Variants in CDH13 observed in about 807,000 individuals in gnomAD.
CDH13 encodes cadherin-13.
Under a neutral mutation model 63.8 loss-of-function variants are expected in CDH13, and 24 were observed. The ratio of observed to expected loss-of-function variants is 0.38; its 90% confidence interval spans 0.27 to 0.53. The LOEUF (loss-of-function observed/expected upper bound fraction) is 0.53. Among genes scored for constraint, CDH13 ranks in the 20% least tolerant of loss-of-function variants. The probability of loss-of-function intolerance (pLI) is 0.85; values close to 1 mark genes in which losing one functional copy is unlikely to be tolerated. For missense variants in CDH13, 1,049 were observed against 903.1 expected (o/e 1.16, Z -2.07); for synonymous variants, 503 against 355.3 (o/e 1.42, Z -4.67).
At chr16:83,501,326 A>C (rs1397989769) in intron 7 of CDH13, among the ~76,000 whole-genome samples, 1 of 152,196 alleles carries the variant, frequency 6.6e-6, no homozygotes, top group East Asian at 1.9e-4. Flanking sequence ...AAATTCTTTT[A>C]GGTATTTTCT....
At chr16:83,218,531 CT>C (rs1260155728) in intron 5 of CDH13, among the ~76,000 whole-genome samples, 3 of 152,160 alleles carry the variant, frequency 2.0e-5, no homozygotes, top group African/African-American at 7.2e-5. Flanking sequence ...TCCAGCTGGC[CT>C]TGACAGTAAC....
chr16:83,392,693 C>T (rs981050120), intron 6 of CDH13, among the ~76,000 whole-genome samples: 12 of 152,202 alleles, frequency 7.9e-5, no homozygotes, highest in Admixed American at 2.6e-4. Context: ...CAAGAAAAGA[C>T]GCTGGGAGTA....
intron 3 of CDH13, among the ~76,000 whole-genome samples, chr16:83,062,310 C>G (rs2031629360): frequency 6.6e-6 from 1 of 152,170 alleles, no homozygotes; most frequent in Non-Finnish European, 1.5e-5. Flanking sequence ...ATTTGTTACA[C>G]TTTCACATTT....
chr16:82,915,805 A>G (rs4783300), intron 2 of CDH13, among the ~76,000 whole-genome samples: 61,219 of 149,624 alleles, frequency 0.41, 14,279 homozygotes, highest in Non-Finnish European at 0.55. Context: ...GTACCCTCTG[A>G]CATACACCCT....
At chr16:83,614,607 G>A (rs1280348151) in intron 8 of CDH13, among the ~76,000 whole-genome samples, 4 of 152,074 alleles carry the variant, frequency 2.6e-5, no homozygotes, top group Non-Finnish European at 2.9e-5. Flanking sequence ...CCAGCTCTTC[G>A]GCACTTTCAA....
intron 8 of CDH13, among the ~76,000 whole-genome samples, chr16:83,628,891 A>C (rs1910547820): frequency 6.6e-6 from 1 of 152,238 alleles, no homozygotes; most frequent in Admixed American, 6.5e-5. Context: ...AATTTTAATA[A>C]TGCTTCTGGC....
chr16:82,819,237 C>T (rs575935052), intron 1 of CDH13, among the ~76,000 whole-genome samples: 17 of 152,252 alleles, frequency 1.1e-4, no homozygotes, highest in Non-Finnish European at 1.3e-4. Context: ...CTAAATTAAT[C>T]GGATAACATA....
intron 5 of CDH13, among the ~76,000 whole-genome samples, chr16:83,252,271 C>T (rs201301976): frequency 7.9e-5 from 11 of 138,916 alleles, no homozygotes; most frequent in South Asian, 2.3e-4. Context: ...TCTTTTTTTT[C>T]TTTTTTTTTT....
intron 5 of CDH13, among the ~76,000 whole-genome samples, chr16:83,298,708 G>C (rs567567733): frequency 3.3e-5 from 5 of 152,276 alleles, no homozygotes; most frequent in African/African-American, 1.2e-4. Flanking sequence ...GACTTGGAAA[G>C]GCCTAAGGTT....
intron 1 of CDH13, among the ~76,000 whole-genome samples, chr16:82,787,662 G>C (rs955627782): frequency 5.3e-5 from 8 of 152,220 alleles, no homozygotes; most frequent in African/African-American, 1.9e-4. Flanking sequence ...AGGTTGCCCA[G>C]AGAGGTGAAT....
intron 1 of CDH13, among the ~76,000 whole-genome samples, chr16:82,661,716 A>G (rs1253252711): frequency 1.3e-5 from 2 of 152,260 alleles, no homozygotes; most frequent in Admixed American, 6.5e-5. Flanking sequence ...AAATGAATGT[A>G]CATTGTAGGA....
At chr16:83,230,363 G>A (rs571604194) in intron 5 of CDH13, among the ~76,000 whole-genome samples, 4 of 152,166 alleles carry the variant, frequency 2.6e-5, no homozygotes, top group Non-Finnish European at 4.4e-5. Context: ...GCTGCATGAA[G>A]TATCTTTCTC....
intron 3 of CDH13, among the ~76,000 whole-genome samples, chr16:83,121,550 T>C (rs1206076173): frequency 6.6e-6 from 1 of 152,220 alleles, no homozygotes; most frequent in African/African-American, 2.4e-5. Context: ...GGAGTGATGA[T>C]GATAGTGGTC....
intron 10 of CDH13, among the ~76,000 whole-genome samples, chr16:83,693,655 C>T (rs529963574): frequency 3.9e-5 from 6 of 152,258 alleles, no homozygotes; most frequent in Non-Finnish European, 5.9e-5. Flanking sequence ...GAATGAATGG[C>T]GAACTGCTAT....
intron 2 of CDH13, among the ~76,000 whole-genome samples, chr16:82,912,332 C>T (rs967184320): frequency 1.8e-4 from 28 of 152,166 alleles, no homozygotes; most frequent in Non-Finnish European, 8.8e-5. Flanking sequence ...GCTAAATATC[C>T]TTTCCTGCTC....
chr16:83,275,064 C>A (rs2088943627), intron 5 of CDH13, among the ~76,000 whole-genome samples: 1 of 152,182 alleles, frequency 6.6e-6, no homozygotes, highest in South Asian at 2.1e-4. Flanking sequence ...CACTATTATA[C>A]ATGAGGGCAG....
chr16:83,682,570 T>A (rs2150877501), intron 10 of CDH13, among the ~76,000 whole-genome samples: 1 of 152,266 alleles, frequency 6.6e-6, no homozygotes, highest in Admixed American at 6.5e-5. Flanking sequence ...TGAGATTGAC[T>A]GTGTTGGCTG....
chr16:82,665,419 C>G (rs1912470127), intron 1 of CDH13, among the ~76,000 whole-genome samples: 2 of 152,304 alleles, frequency 1.3e-5, no homozygotes, highest in East Asian at 3.9e-4. Context: ...GACTAGTTGA[C>G]TGAACTGTGA....
intron 10 of CDH13, among the ~76,000 whole-genome samples, chr16:83,719,653 G>A (rs1286619282): frequency 1.3e-5 from 2 of 152,128 alleles, no homozygotes; most frequent in Non-Finnish European, 2.9e-5. Context: ...AACCCCCACG[G>A]TGACGCTAGG....
Sources: allele counts gnomAD v4.1 joint callset (sites outside exome capture counted in the v4.1 genomes callset), GRCh38; gene constraint gnomAD v4.1.1; transcripts MANE v1.5; gene names NCBI Gene and HGNC (gene_info 2026-07-23, HGNC 2026-07-21).